SMYD3: variants seen among roughly 807,000 people sequenced by gnomAD.
The protein encoded by SMYD3 is SET and MYND domain containing 3, also known as histone-lysine N-methyltransferase SMYD3.
A neutral mutation model predicts 57.7 loss-of-function variants in SMYD3; 36 were observed. The observed-to-expected ratio is 0.62, with a 90% CI of 0.48 to 0.82. The LOEUF is 0.82. SMYD3 is among the 40% of genes least tolerant of loss of function. The probability of loss-of-function intolerance (pLI) is 0.00; values close to 1 mark genes in which losing one functional copy is unlikely to be tolerated. For synonymous variants in SMYD3, 211 were observed against 195.0 expected (o/e 1.08, Z -0.68); for missense variants, 515 against 538.8 (o/e 0.96, Z 0.44).
intron 5 of SMYD3, among the ~76,000 whole-genome samples, chr1:246,224,433 C>G (rs2063299751): frequency 6.6e-6 from 1 of 151,744 alleles, no homozygotes; most frequent in Non-Finnish European, 1.5e-5. Context: ...GGGATGTATC[C>G]AAAGTATAGC....
chr1:246,377,106 T>C (rs1471271164), intron 1 of SMYD3, among the ~76,000 whole-genome samples: 1 of 152,098 alleles, frequency 6.6e-6, no homozygotes, highest in East Asian at 1.9e-4. Flanking sequence ...AAAATAATAA[T>C]AATAACGTAT....
intron 2 of SMYD3, among the ~76,000 whole-genome samples, chr1:246,337,874 C>T (rs1186006095): frequency 5.3e-5 from 8 of 152,156 alleles, no homozygotes; most frequent in Admixed American, 2.6e-4. Context: ...AATGAACAAC[C>T]GATCAGTTAG....
rs2066205512 is a variant in SMYD3 at position 246,372,264 on chromosome 1, G to A, written c.165-17170C>T. Among the ~76,000 whole-genome samples, 2 of 152,216 alleles carry A rather than the reference G, an allele frequency of 1.3e-5. 1 individual carries two copies. The highest frequency in any genetic ancestry group is 1.3e-4 in the Admixed American group (2 of 15,278). On this transcript the variant is annotated intron_variant, in intron 1 of 11. Transcript: ENST00000490107. ...TTTGATGCCTGCTGACCCTCCTCTA[G>A]TGAGCATGTTGTATGCCCAAGAGAA...
At chr1:246,271,509 T>C (rs1303324090) in intron 5 of SMYD3, among the ~76,000 whole-genome samples, 1 of 152,212 alleles carries the variant, frequency 6.6e-6, no homozygotes, top group Non-Finnish European at 1.5e-5. Context: ...TTCATTCTTT[T>C]GCATATGGAT....
chr1:246,105,787 G>T (rs10802332), intron 5 of SMYD3, among the ~76,000 whole-genome samples: 71,371 of 152,030 alleles, frequency 0.47, 20,787 homozygotes, highest in Non-Finnish European at 0.66. Flanking sequence ...GGCTTTCCAC[G>T]GTTAATCAAA....
intron 5 of SMYD3, among the ~76,000 whole-genome samples, chr1:245,974,523 G>A (rs995955675): frequency 3.7e-5 from 5 of 134,372 alleles, no homozygotes; most frequent in South Asian, 2.7e-4. Context: ...GAAAGCCATC[G>A]TCTCCGGCCC....
chr1:246,212,955 A>G (rs1399371580), intron 5 of SMYD3, among the ~76,000 whole-genome samples: 1 of 152,132 alleles, frequency 6.6e-6, no homozygotes, highest in Non-Finnish European at 1.5e-5. Context: ...TGGGGCCTTC[A>G]GGTACAGCAT....
chr1:245,919,263 G>A (rs1212687543), intron 7 of SMYD3, among the ~76,000 whole-genome samples: 1 of 152,146 alleles, frequency 6.6e-6, no homozygotes, highest in Non-Finnish European at 1.5e-5. Context: ...GGCACACAAG[G>A]ATTTCCCTCA....
At chr1:245,918,759 G>A (rs567871649) in intron 7 of SMYD3, among the ~76,000 whole-genome samples, 26 of 152,264 alleles carry the variant, frequency 1.7e-4, no homozygotes, top group South Asian at 1.5e-3. Flanking sequence ...GCAAATGAGC[G>A]CATCCCTATG....
intron 5 of SMYD3, among the ~76,000 whole-genome samples, chr1:246,318,556 G>A (rs993574906): frequency 3.9e-5 from 6 of 152,132 alleles, no homozygotes; most frequent in Non-Finnish European, 8.8e-5. Context: ...CTGGCTCCAC[G>A]TAATTGCATT....
chr1:246,168,681 A>G (rs963040351), intron 5 of SMYD3, among the ~76,000 whole-genome samples: 1 of 152,168 alleles, frequency 6.6e-6, no homozygotes, highest in Non-Finnish European at 1.5e-5. Context: ...TATATTGCTG[A>G]GAAGTATTAA....
chr1:246,271,594 A>G (rs2064223628), intron 5 of SMYD3, among the ~76,000 whole-genome samples: 2 of 152,272 alleles, frequency 1.3e-5, no homozygotes, highest in African/African-American at 4.8e-5. Flanking sequence ...CCCCATCGAA[A>G]ATCATTTGAC....
chr1:246,251,012 A>G (rs1017097596), intron 5 of SMYD3, among the ~76,000 whole-genome samples: 1 of 152,206 alleles, frequency 6.6e-6, no homozygotes, highest in Non-Finnish European at 1.5e-5. Flanking sequence ...GGGCTATATA[A>G]GATGTTTTGA....
intron 5 of SMYD3, among the ~76,000 whole-genome samples, chr1:246,086,798 T>C (rs550355091): frequency 2.6e-5 from 4 of 152,226 alleles, no homozygotes; most frequent in Non-Finnish European, 4.4e-5. Context: ...ATGTGTGCCA[T>C]GGTGGTTTGC....
intron 5 of SMYD3, among the ~76,000 whole-genome samples, chr1:245,994,411 G>A (rs748099548): frequency 6.6e-6 from 1 of 152,208 alleles, no homozygotes; most frequent in Non-Finnish European, 1.5e-5. Flanking sequence ...CACGATGAGA[G>A]GCCCTGGCCA....
At chr1:245,848,402 T>C (rs1314734403) in intron 10 of SMYD3, among the ~76,000 whole-genome samples, 1 of 151,554 alleles carries the variant, frequency 6.6e-6, no homozygotes, top group Non-Finnish European at 1.5e-5. Context: ...CCTACAGGCA[T>C]GAGCCACCTT....
intron 8 of SMYD3, among the ~76,000 whole-genome samples, chr1:245,867,708 G>C (rs1442704574): frequency 6.6e-6 from 1 of 151,568 alleles, no homozygotes; most frequent in Non-Finnish European, 1.5e-5. Context: ...ACATTTTGTT[G>C]GGAGAAAAAC....
At chr1:246,068,803 G>A (rs1045193500) in intron 5 of SMYD3, among the ~76,000 whole-genome samples, 1 of 152,198 alleles carries the variant, frequency 6.6e-6, no homozygotes, top group African/African-American at 2.4e-5. Flanking sequence ...AGGGGAGCCA[G>A]TTCCGCAGGC....
chr1:245,844,119 TC>T (rs1572493684), intron 10 of SMYD3, among the ~76,000 whole-genome samples: 1 of 152,302 alleles, frequency 6.6e-6, no homozygotes. Flanking sequence ...AAACTCTTCT[TC>T]CTTCCTACAA....
Sources: gnomAD v4.1 joint callset for allele counts (sites outside exome capture counted in the v4.1 genomes callset) on GRCh38, gnomAD v4.1.1 for gene constraint, MANE v1.5 for transcripts, NCBI Gene and HGNC (gene_info 2026-07-23, HGNC 2026-07-21) for gene names.